TYMS: variants seen among roughly 807,000 people sequenced by gnomAD.
TYMS encodes the protein thymidylate synthase.
A neutral mutation model predicts 39.3 loss-of-function variants in TYMS; 21 were observed. The ratio of observed to expected loss-of-function variants is 0.54; its 90% CI spans 0.38 to 0.77. The LOEUF is 0.77. Among genes scored for constraint, TYMS ranks in the 30% least tolerant of loss-of-function variants. The probability of loss-of-function intolerance (pLI) is 0.00; values close to 1 mark genes in which losing one functional copy is unlikely to be tolerated. For synonymous variants in TYMS, 171 were observed against 162.2 expected (o/e 1.05, Z -0.41); for missense variants, 273 against 406.7 (o/e 0.67, Z 2.83).
At position 660,649 on chromosome 18, in the gene TYMS, C is replaced by G. The variant is rs1349137758; in HGVS notation, c.279+935C>G. Among the ~76,000 whole-genome samples, 2 of 152,200 alleles carry G rather than the reference C, an allele frequency of 1.3e-5. No homozygotes were observed. The highest frequency in any genetic ancestry group is 2.9e-5 in the Non-Finnish European group (2 of 68,044). ...GTCTCTTCAGTAACAAGGTGAACCCCTTCCAGAGGGCTGAGTAGGTACCTC... is the reference window on the plus strand; with the variant it reads ...GTCTCTTCAGTAACAAGGTGAACCCGTTCCAGAGGGCTGAGTAGGTACCTC... On this transcript the variant is annotated intron_variant, in intron 2 of 6. Transcript: ENST00000323274. This position sits in a 1 kb window ranked among gnomAD's most constrained non-coding sequence, Gnocchi z 4.6.
In TYMS at chr18:660,246, G is replaced by A. The variant is rs531213401; in HGVS notation, c.279+532G>A. On this transcript the variant is annotated intron_variant, in intron 2 of 6. Coordinates refer to ENST00000323274, the MANE Select transcript of TYMS (RefSeq NM_001071.4). The surrounding 1 kb of genome is among the most constrained non-coding windows in gnomAD (Gnocchi z 4.6). Reference sequence around the variant, plus strand: ...GTTCTTGTGAGTTTTTGAGCACACCGGGACATCCCCACTCCCTGGAACCTT... The same window carrying A: ...GTTCTTGTGAGTTTTTGAGCACACCAGGACATCCCCACTCCCTGGAACCTT... Among the ~76,000 whole-genome samples the A allele has an allele frequency of 1.6e-4, 24 of 152,146 alleles. No individual in the cohort carries two copies. Among genetic ancestry groups the A allele is most frequent in the Admixed American group, 6.5e-4 (10 of 15,274 alleles).
intron 4 of TYMS, among the ~76,000 whole-genome samples, chr18:670,045 A>AT (rs34118802): frequency 0.01 from 1,395 of 138,542 alleles, 16 homozygotes; most frequent in African/African-American, 0.031. Flanking sequence ...ATAGAGACTT[A>AT]TTTTTTTTTT....
intron 3 of TYMS, among the ~76,000 whole-genome samples, chr18:667,197 T>A (rs368759771): frequency 6.3e-4 from 37 of 59,160 alleles, no homozygotes; most frequent in Admixed American, 7.1e-4. Context: ...ATGGAGATGG[T>A]GATGGTGATG....
chr18:669,331 C>A, intron 4 of TYMS, 158 bp downstream of exon 4: 4 of 540,014 alleles, frequency 7.4e-6, no homozygotes, highest in Middle Eastern at 3.0e-4. Context: ...TTTTGCTGCA[C>A]TTTCACCTTC....
chr18:666,378 T>C (rs1254066973), intron 3 of TYMS, among the ~76,000 whole-genome samples: 1 of 152,004 alleles, frequency 6.6e-6, no homozygotes, highest in African/African-American at 2.4e-5. Context: ...AGTGCCAGGG[T>C]CACACTCCAC....
chr18:659,805 G>GCCACCACACC, intron 2 of TYMS, 91 bp downstream of exon 2: 5 of 1,152,618 alleles, frequency 4.3e-6, no homozygotes, highest in South Asian at 1.2e-5. Context: ...GCCAGGTGTG[G>GCCACCACACC]TGGCTCACGC....
chr18:658,199 G>A lies in TYMS; in HGVS notation c.205+252G>A. The A allele has an allele frequency of 6.5e-7, 1 of 1,534,816 alleles. No homozygotes were observed. ...GCCGCGTCCCAGCGGCTCCGCGGCC[G>A]GGCTCGCAGTCGCCCCAGTGATGCC... On this transcript the variant is annotated intron_variant, in intron 1 of 6. Coordinates refer to ENST00000323274, the MANE Select transcript of TYMS (RefSeq NM_001071.4). This position sits in a 1 kb window ranked among gnomAD's most constrained non-coding sequence, Gnocchi z 4.5.
chr18:662,745 A>G (rs1171321808), intron 3 of TYMS, among the ~76,000 whole-genome samples: 2 of 150,008 alleles, frequency 1.3e-5, no homozygotes, highest in African/African-American at 4.9e-5. Context: ...ATTCCCACCT[A>G]TGAGTGAGAA....
rs886386002 is a variant in TYMS, at chr18:660,888, C to T, written c.279+1174C>T. On this transcript the variant is annotated intron_variant, in intron 2 of 6. Coordinates refer to ENST00000323274, the MANE Select transcript of TYMS (RefSeq NM_001071.4). This position sits in a 1 kb window ranked among gnomAD's most constrained non-coding sequence, Gnocchi z 4.6. ...GTATGGTCTTGGGGCAAGCCAGACC[C>T]AAGCCCTCTTATCCCATTTTAGAAA... 1.3e-5 allele frequency among the ~76,000 whole-genome samples: 2 copies of T among 152,188 alleles called. No homozygotes were observed. The highest frequency in any genetic ancestry group is 1.5e-5 in the Non-Finnish European group (1 of 68,034).
chr18:668,012 A>G (rs1190836970), intron 3 of TYMS, among the ~76,000 whole-genome samples: 1 of 44,938 alleles, frequency 2.2e-5, no homozygotes, highest in Non-Finnish European at 3.8e-5. Context: ...TTTTTTTTTT[A>G]ATGCACAGAA....
chr18:667,017 A>T (rs1672569), intron 3 of TYMS, among the ~76,000 whole-genome samples: 183 of 4,284 alleles, frequency 0.043, 14 homozygotes, highest in Middle Eastern at 0.083. Flanking sequence ...ATGGTGATGG[A>T]GATGGAGATG....
At chr18:671,826 G>A (rs1205541712) in intron 6 of TYMS, 1 of 241,460 alleles carries the variant, frequency 4.1e-6, no homozygotes, top group Non-Finnish European at 8.0e-6. Flanking sequence ...CGGCCAGGCT[G>A]GAGTGTGCCG....
At chr18:672,705 A>G in intron 6 of TYMS, 155 bp from the exon 7 acceptor site, 2 of 749,926 alleles carry the variant, frequency 2.7e-6, no homozygotes, top group Non-Finnish European at 4.1e-6. Flanking sequence ...CGCTCCAATC[A>G]TGTTACATAA....
chr18:667,626 T>C (rs1459666316), intron 3 of TYMS: 1 of 149,564 alleles, frequency 6.7e-6, no homozygotes, highest in African/African-American at 2.5e-5. Context: ...TGGGTGATGG[T>C]GATGGTTGCC....
At chr18:667,499 AGATGGTGATGGTGATGGTGATGGT>A (rs1408203595) in intron 3 of TYMS, among the ~76,000 whole-genome samples, 335 of 10,184 alleles carry the variant, frequency 0.033, 84 homozygotes, top group Non-Finnish European at 0.038. Context: ...ATGGTGATGG[AGATGGTGATGGTGATGGTGATGGT>A]GATGGAGATG....
intron 4 of TYMS, 185 bp downstream of exon 4, chr18:669,358 C>A: frequency 2.2e-6 from 1 of 463,504 alleles, no homozygotes; most frequent in Non-Finnish European, 3.8e-6. Flanking sequence ...TGAGGTTGGG[C>A]CCAGAGGATT....
At chr18:668,255 T>C (rs1050960981) in intron 3 of TYMS, among the ~76,000 whole-genome samples, 3 of 152,130 alleles carry the variant, frequency 2.0e-5, no homozygotes, top group Non-Finnish European at 2.9e-5. Context: ...ATGTTACCTT[T>C]TTCGGAACAG....
rs569549506 is a variant in TYMS at position 660,853 on chromosome 18, G to A, written c.279+1139G>A. ...CTGGGATCCCTTCTATAGAGCACTTGGTATGGCTTGTATGGTCTTGGGGCA... is the reference window on the plus strand; with the variant it reads ...CTGGGATCCCTTCTATAGAGCACTTAGTATGGCTTGTATGGTCTTGGGGCA... On this transcript the variant is annotated intron_variant, in intron 2 of 6. Transcript: ENST00000323274. The surrounding 1 kb of genome is among the most constrained non-coding windows in gnomAD (Gnocchi z 4.6). Among the ~76,000 whole-genome samples the A allele has an allele frequency of 7.2e-5, 11 of 152,158 alleles. No homozygotes were observed. The highest frequency in any genetic ancestry group is 1.6e-4 in the Non-Finnish European group (11 of 68,038).
intron 5 of TYMS, 129 bp downstream of exon 5, chr18:670,996 A>C: frequency 9.0e-7 from 1 of 1,107,736 alleles, no homozygotes; most frequent in Non-Finnish European, 1.3e-6. Flanking sequence ...TAAGTAAGAA[A>C]TGAACCAGCT....
Sources: gnomAD v4.1 joint callset for allele counts (sites outside exome capture counted in the v4.1 genomes callset) on GRCh38, gnomAD v4.1.1 for gene constraint, Gnocchi (gnomAD v3.1) non-coding constraint, MANE v1.5 for transcripts, NCBI Gene and HGNC (gene_info 2026-07-23, HGNC 2026-07-21) for gene names.